JPH3: variants seen among roughly 807,000 people sequenced by gnomAD.
JPH3 encodes junctophilin 3, also known as junctophilin-3.
A neutral mutation model predicts 59.6 loss-of-function variants in JPH3; 11 were observed. That is an observed-to-expected ratio of 0.18 (90% CI 0.12 to 0.31). The LOEUF is 0.31. JPH3 is among the 10% of genes least tolerant of loss of function. JPH3 has a pLI of 1.00. For synonymous variants in JPH3, 673 were observed against 483.6 expected (o/e 1.39, Z -5.14); for missense variants, 1,202 against 1,105.7 (o/e 1.09, Z -1.24).
At chr16:87,651,058 A>C (rs1246747417) in intron 2 of JPH3, among the ~76,000 whole-genome samples, 1 of 152,258 alleles carries the variant, frequency 6.6e-6, no homozygotes, top group Non-Finnish European at 1.5e-5. Context: ...TGGAAATGTT[A>C]ACTTGAAGCC....
chr16:87,668,782 C>T (rs2032940292), intron 2 of JPH3, among the ~76,000 whole-genome samples: 2 of 152,114 alleles, frequency 1.3e-5, no homozygotes, highest in Non-Finnish European at 2.9e-5. Flanking sequence ...GAACTGGATT[C>T]CAGACACTGC....
At chr16:87,665,556 A>G (rs57256359) in intron 2 of JPH3, among the ~76,000 whole-genome samples, 3,223 of 152,320 alleles carry the variant, frequency 0.021, 125 homozygotes, top group African/African-American at 0.072. Context: ...CCCACCTCAC[A>G]GATGCTGAGA....
intron 4 of JPH3, among the ~76,000 whole-genome samples, chr16:87,691,748 A>G (rs959877907): frequency 1.1e-4 from 16 of 151,982 alleles, no homozygotes; most frequent in Non-Finnish European, 1.9e-4. Context: ...CCCGTTCCCC[A>G]AAGCCCACAG....
chr16:87,677,435 C>G (rs1236008310), intron 2 of JPH3, among the ~76,000 whole-genome samples: 1 of 152,132 alleles, frequency 6.6e-6, no homozygotes, highest in African/African-American at 2.4e-5. Context: ...AAAAAACTCG[C>G]CCACCAGGTA....
intron 3 of JPH3, among the ~76,000 whole-genome samples, chr16:87,684,895 C>T (rs946697347): frequency 7.8e-5 from 11 of 140,944 alleles, no homozygotes; most frequent in East Asian, 4.9e-4. Flanking sequence ...GGGTGGGTGG[C>T]GGAGAGGCCG....
chr16:87,623,835 A>G (rs1292084218), intron 1 of JPH3, among the ~76,000 whole-genome samples: 1 of 152,200 alleles, frequency 6.6e-6, no homozygotes, highest in African/African-American at 2.4e-5. Context: ...CTCCCTGGGG[A>G]CCACATGCCC....
intron 2 of JPH3, among the ~76,000 whole-genome samples, chr16:87,678,243 A>C (rs2033199326): frequency 6.6e-6 from 1 of 151,956 alleles, no homozygotes; most frequent in South Asian, 2.1e-4. Flanking sequence ...CCTGTCTCTA[A>C]AAAATAAGAT....
chr16:87,604,469 T>C, intron 1 of JPH3: 1 of 1,360,340 alleles, frequency 7.4e-7, no homozygotes, highest in Non-Finnish European at 9.7e-7. Context: ...ACAAACTGGC[T>C]TCCCCGACCA....
intron 2 of JPH3, among the ~76,000 whole-genome samples, chr16:87,651,757 T>C (rs1425877915): frequency 1.3e-5 from 2 of 152,268 alleles, no homozygotes; most frequent in Non-Finnish European, 2.9e-5. Context: ...TGGAATCTAC[T>C]CCTGGCGAAG....
At chr16:87,678,620 G>A (rs188456515) in intron 2 of JPH3, among the ~76,000 whole-genome samples, 106 of 152,244 alleles carry the variant, frequency 7.0e-4, no homozygotes, top group African/African-American at 2.3e-3. Context: ...GGGCTGAATG[G>A]TGTCCCCAAA....
chr16:87,630,455 G>A (rs966363162), intron 1 of JPH3, among the ~76,000 whole-genome samples: 2 of 152,120 alleles, frequency 1.3e-5, no homozygotes, highest in Middle Eastern at 3.4e-3. Context: ...GTCCTCCCTG[G>A]GGAGCAGGAC....
chr16:87,690,619 G>C, intron 4 of JPH3, 93 bp downstream of exon 4: 1 of 1,305,514 alleles, frequency 7.7e-7, no homozygotes, highest in Non-Finnish European at 1.0e-6. Flanking sequence ...CAAGGTCACT[G>C]CTCCCCTGTT....
At chr16:87,676,316 A>G (rs549892321) in intron 2 of JPH3, among the ~76,000 whole-genome samples, 4 of 152,342 alleles carry the variant, frequency 2.6e-5, no homozygotes, top group South Asian at 4.1e-4. Flanking sequence ...CAGACACTCA[A>G]TTTAACAACA....
chr16:87,606,365 A>G (rs1386053224), intron 1 of JPH3, among the ~76,000 whole-genome samples: 1 of 152,134 alleles, frequency 6.6e-6, no homozygotes, highest in African/African-American at 2.4e-5. Flanking sequence ...ATGTAGCTGG[A>G]ATTGGTGTGG....
At chr16:87,639,610 G>T (rs2031872938) in intron 1 of JPH3, among the ~76,000 whole-genome samples, 1 of 151,516 alleles carries the variant, frequency 6.6e-6, no homozygotes, top group African/African-American at 2.4e-5. Context: ...CCTCCCTCCT[G>T]TCCTCCCTCC....
chr16:87,612,365 T>C (rs973602088), intron 1 of JPH3, among the ~76,000 whole-genome samples: 1 of 152,176 alleles, frequency 6.6e-6, no homozygotes, highest in African/African-American at 2.4e-5. Flanking sequence ...GCTCAAGCGA[T>C]CCGCCCACCT....
At chr16:87,690,585 C>T in intron 4 of JPH3, 59 bp downstream of exon 4, 1 of 1,408,384 alleles carries the variant, frequency 7.1e-7, no homozygotes, top group Non-Finnish European at 9.3e-7. Context: ...CTCTGCTGAC[C>T]TGGTGTTTCC....
At chr16:87,625,347 C>A (rs1044092376) in intron 1 of JPH3, among the ~76,000 whole-genome samples, 2 of 152,146 alleles carry the variant, frequency 1.3e-5, no homozygotes, top group Non-Finnish European at 2.9e-5. Flanking sequence ...TTTCCCTCCT[C>A]GGGGGTCCTG....
intron 2 of JPH3, among the ~76,000 whole-genome samples, chr16:87,652,315 T>C (rs546320527): frequency 4.6e-5 from 7 of 152,360 alleles, no homozygotes; most frequent in African/African-American, 1.4e-4. Context: ...CTCACCACGC[T>C]GATCACCCAC....
Sources: gnomAD v4.1 joint callset for allele counts (sites outside exome capture counted in the v4.1 genomes callset) on GRCh38, gnomAD v4.1.1 for gene constraint, MANE v1.5 for transcripts, NCBI Gene and HGNC (gene_info 2026-07-23, HGNC 2026-07-21) for gene names.